The following EHMT1 variants were observed in gnomAD, a reference collection of about 807,000 sequenced individuals.
EHMT1 encodes the protein euchromatic histone lysine methyltransferase 1, also known as histone-lysine N-methyltransferase EHMT1.
Under a neutral mutation model 147.2 loss-of-function variants are expected in EHMT1, and 15 were observed. The ratio of observed to expected loss-of-function variants is 0.10; its 90% CI spans 0.07 to 0.16. EHMT1 has a LOEUF of 0.16. EHMT1 is among the 10% of genes least tolerant of loss of function. EHMT1 has a pLI of 1.00. For missense variants in EHMT1, 1,587 were observed against 1,772.4 expected, an observed-to-expected ratio of 0.90 and a Z score of 1.88; for synonymous variants, 795 against 709.6, an observed-to-expected ratio of 1.12 and a Z score of -1.91.
In EHMT1 at chr9:137,635,499, A is replaced by G. The variant is rs539762676; in HGVS notation, c.21+16450A>G. Among the ~76,000 whole-genome samples the G allele has an allele frequency of 4.6e-4, 70 of 151,066 alleles. No individual in the cohort carries two copies. In the East Asian group the frequency reaches 5.5e-3, roughly 12 times the overall value. ...CAAAGTGTTGGGATTACAGGCATGA[A>G]CCACTGCGCTCGGCCTTCAGTTTTC... On this transcript the variant is annotated intron_variant, in intron 1 of 26. Transcript: ENST00000460843.
Position 137,828,609 on chromosome 9 carries a change from C to T in EHMT1, c.3541-5740C>T, listed in dbSNP as rs934014749. Among the ~76,000 whole-genome samples, 7 of 152,098 alleles carry T rather than the reference C, an allele frequency of 4.6e-5. No individual in the cohort carries two copies. Among genetic ancestry groups the T allele is most frequent in the Non-Finnish European group, 8.8e-5 (6 of 68,004 alleles). On this transcript the variant is annotated intron_variant, in intron 25 of 26. Coordinates refer to ENST00000460843, the MANE Select transcript of EHMT1 (RefSeq NM_024757.5). The surrounding 1 kb of genome is among the most constrained non-coding windows in gnomAD (Gnocchi z 5.3). ...GGGGTGGGGGAGGTACCACGTCTCC[C>T]GGGCAGCCACAGATCCCACACTCAC...
rs183775828 is a variant in EHMT1 at position 137,726,507 on chromosome 9, G to C, written c.643-1842G>C. On this transcript the variant is annotated intron_variant, in intron 3 of 26. Coordinates refer to ENST00000460843, the MANE Select transcript of EHMT1 (RefSeq NM_024757.5). ...TGCGTTTTGCACACGACACTTTGCT[G>C]ATCCGTTCGCCCGACAGCCGACCCT... Among the ~76,000 whole-genome samples, 1,384 of 152,032 alleles carry C rather than the reference G, an allele frequency of 9.1e-3. 22 individuals carry two copies. Among genetic ancestry groups the C allele is most frequent in the African/African-American group, 0.031 (1,283 of 41,296 alleles).
chr9:137,760,276 A>T (rs1949701296), intron 9 of EHMT1, among the ~76,000 whole-genome samples: 1 of 152,186 alleles, frequency 6.6e-6, no homozygotes, highest in Admixed American at 6.5e-5. Context: ...ATTGTTATCC[A>T]AGCGTGTAGG....
rs891306707 is a variant in EHMT1, at chr9:137,769,106, CTTTAA to C, written c.1648-5998_1648-5994del. On this transcript the variant is annotated intron_variant, in intron 10 of 26. Coordinates refer to ENST00000460843, the MANE Select transcript of EHMT1 (RefSeq NM_024757.5). ...TTTCCCTGGAGTGTACAATACACAT[CTTTAA>C]TTTATCACAGTCTACCTCCAACAAA... 3.3e-5 allele frequency among the ~76,000 whole-genome samples: 5 copies of C among 152,198 alleles called. No homozygotes were observed. The East Asian group carries it at 5.8e-4, about 18-fold the overall frequency.
rs1564735725 is a variant in EHMT1 at position 137,775,153 on chromosome 9, C to T, written c.1692C>T (p.Arg564=). ...GCGTGGTCAAGTATGAGCTGATGCG[C>T]CCCTCCAACAAGGCCCCGCTCCTCG... ...TNSVVKYELM[R]PSNKAPLLVL... Residue 564 remains arginine, a synonymous_variant, in exon 11 of 27, where the codon CGC becomes CGT. Transcript: ENST00000460843. This position sits in a 1 kb window ranked among gnomAD's most constrained non-coding sequence, Gnocchi z 6.1. 1 of 1,614,090 alleles carries T rather than the reference C, an allele frequency of 6.2e-7. No homozygotes were observed. The highest frequency in any genetic ancestry group is 1.1e-5 in the South Asian group (1 of 91,082).
At position 137,711,004 on chromosome 9, in the gene EHMT1, G is replaced by A; in HGVS notation, c.59G>A (p.Cys20Tyr). 1 of 1,598,880 alleles carries A rather than the reference G, an allele frequency of 6.3e-7. No homozygotes were observed. Among genetic ancestry groups the A allele is most frequent in the Non-Finnish European group, 8.5e-7 (1 of 1,173,332 alleles). ...AGGGGGGAGCCTCAGCAGGATTGCT[G>A]TGTGAAAACCGAGCTGCTGGGAGAA... ...PARGEPQQDC[C>Y]VKTELLGEET... Residue 20 changes from cysteine to tyrosine, a missense_variant, in exon 2 of 27, where the codon TGT (cysteine) becomes TAT (tyrosine). Coordinates refer to ENST00000460843, the MANE Select transcript of EHMT1 (RefSeq NM_024757.5).
intron 18 of EHMT1, 131 bp downstream of exon 18, chr9:137,801,115 C>G: frequency 2.5e-6 from 2 of 788,582 alleles, no homozygotes; most frequent in Admixed American, 4.0e-5. Flanking sequence ...GTGGCAGCAT[C>G]GGCCCGGCAC....
At chr9:137,801,666 T>A (rs183595886) in intron 18 of EHMT1, among the ~76,000 whole-genome samples, 1 of 152,240 alleles carries the variant, frequency 6.6e-6, no homozygotes, top group East Asian at 1.9e-4. Flanking sequence ...ACCTGGCTAA[T>A]TTTTGTATTT....
chr9:137,649,446 C>A (rs191509834), intron 1 of EHMT1, among the ~76,000 whole-genome samples: 2 of 147,994 alleles, frequency 1.4e-5, no homozygotes, highest in Non-Finnish European at 3.0e-5. Context: ...GGCAACAGAG[C>A]GAGACTCCGA....
chr9:137,795,703 T>G (rs1256976929), intron 16 of EHMT1, among the ~76,000 whole-genome samples: 1 of 152,112 alleles, frequency 6.6e-6, no homozygotes, highest in East Asian at 1.9e-4. Context: ...ATTGACGACC[T>G]GCTGTGAAAT....
intron 1 of EHMT1, among the ~76,000 whole-genome samples, chr9:137,663,190 T>TGG (rs1939270501): frequency 3.3e-5 from 5 of 152,218 alleles, no homozygotes; most frequent in Admixed American, 3.3e-4. Context: ...TGTTATTCAT[T>TGG]TGTACCTTCT....
chr9:137,774,882 G>C (rs532417187), intron 10 of EHMT1, among the ~76,000 whole-genome samples: 3 of 152,356 alleles, frequency 2.0e-5, no homozygotes, highest in East Asian at 3.9e-4. Flanking sequence ...AGTTTGTGCA[G>C]ATGATGGGCG....
intron 1 of EHMT1, among the ~76,000 whole-genome samples, chr9:137,684,480 T>A (rs1028364740): frequency 6.6e-6 from 1 of 152,142 alleles, no homozygotes; most frequent in African/African-American, 2.4e-5. Flanking sequence ...AGCCATTATT[T>A]TTTGTTGTTG....
At chr9:137,628,102 G>A (rs1442896987) in intron 1 of EHMT1, among the ~76,000 whole-genome samples, 1 of 152,216 alleles carries the variant, frequency 6.6e-6, no homozygotes, top group African/African-American at 2.4e-5. Context: ...TGAGAGGTCA[G>A]CTGTTCTCAG....
At chr9:137,684,275 T>C (rs1248051550) in intron 1 of EHMT1, among the ~76,000 whole-genome samples, 1 of 152,132 alleles carries the variant, frequency 6.6e-6, no homozygotes, top group Non-Finnish European at 1.5e-5. Context: ...TCAAGCAATC[T>C]GCCCGCCTTG....
At chr9:137,740,878 C>A (rs1277214737) in intron 4 of EHMT1, among the ~76,000 whole-genome samples, 2 of 152,138 alleles carry the variant, frequency 1.3e-5, no homozygotes, top group African/African-American at 4.8e-5. Flanking sequence ...TCTCGGCTCA[C>A]TGCAAGCTCT....
chr9:137,683,472 A>T (rs1942157733), intron 1 of EHMT1, among the ~76,000 whole-genome samples: 1 of 152,204 alleles, frequency 6.6e-6, no homozygotes, highest in African/African-American at 2.4e-5. Context: ...AGATGAGGTC[A>T]TGTTATGTTG....
intron 25 of EHMT1, among the ~76,000 whole-genome samples, chr9:137,830,483 T>C (rs2133068836): frequency 6.6e-6 from 1 of 152,368 alleles, no homozygotes; most frequent in East Asian, 1.9e-4. Flanking sequence ...TTTAACAGTG[T>C]AGAGTTTTTA....
chr9:137,829,078 G>T (rs1307365841), intron 25 of EHMT1, among the ~76,000 whole-genome samples: 1 of 152,198 alleles, frequency 6.6e-6, no homozygotes, highest in African/African-American at 2.4e-5. Flanking sequence ...CCCCGCCCTG[G>T]TCTCACAGAC....
Sources: gnomAD v4.1 joint callset for allele counts (sites outside exome capture counted in the v4.1 genomes callset) on GRCh38, gnomAD v4.1.1 for gene constraint, Gnocchi (gnomAD v3.1) non-coding constraint, MANE v1.5 for transcripts, NCBI Gene and HGNC (gene_info 2026-07-23, HGNC 2026-07-21) for gene names.